Variants in GALNT17 observed in about 807,000 individuals in gnomAD.
The protein encoded by GALNT17 is polypeptide N-acetylgalactosaminyltransferase 17, also known as UDP-GalNAc:polypeptide N-acetylgalactosaminyltransferase-like 3.
Under a neutral mutation model 63.7 loss-of-function variants are expected in GALNT17, and 29 were observed. That is an observed-to-expected ratio of 0.46 (90% CI 0.34 to 0.62). The LOEUF is 0.62. GALNT17 is among the 20% of genes least tolerant of loss of function. The probability of loss-of-function intolerance (pLI) is 0.01; values close to 1 mark genes in which losing one functional copy is unlikely to be tolerated. For synonymous variants in GALNT17, 305 were observed against 318.3 expected (o/e 0.96, Z 0.45); for missense variants, 603 against 799.6 (o/e 0.75, Z 2.97).
intron 1 of GALNT17, among the ~76,000 whole-genome samples, chr7:71,225,374 A>T (rs1389364083): frequency 6.6e-6 from 1 of 152,236 alleles, no homozygotes; most frequent in Non-Finnish European, 1.5e-5. Context: ...ATTTTGAAGC[A>T]AACACATCTT....
In GALNT17 at chr7:71,595,076, C is replaced by T. The variant is rs144247682; in HGVS notation, c.1080+23674C>T. Reference sequence around the variant, plus strand: ...AGTCAGAAATTAGGATGATGTAGCTCCAAGCCAAGGAGCCCCAAAGACTGA... The same window carrying T: ...AGTCAGAAATTAGGATGATGTAGCTTCAAGCCAAGGAGCCCCAAAGACTGA... On this transcript the variant is annotated intron_variant, in intron 6 of 10. Transcript: ENST00000333538. Among the ~76,000 whole-genome samples the T allele has an allele frequency of 1.9e-3, 285 of 152,200 alleles. 3 individuals are homozygous for T. Among genetic ancestry groups the T allele is most frequent in the African/African-American group, 6.6e-3 (273 of 41,522 alleles).
intron 8 of GALNT17, among the ~76,000 whole-genome samples, chr7:71,673,768 T>A (rs1159432272): frequency 6.6e-6 from 1 of 152,108 alleles, no homozygotes; most frequent in African/African-American, 2.4e-5. Flanking sequence ...GTACATATCA[T>A]CACATCTGGC....
intron 1 of GALNT17, among the ~76,000 whole-genome samples, chr7:71,322,644 CA>C: frequency 6.6e-6 from 1 of 152,240 alleles, no homozygotes; most frequent in Middle Eastern, 3.4e-3. Context: ...TTTGAAGCCC[CA>C]AGCCTCATTG....
intron 5 of GALNT17, among the ~76,000 whole-genome samples, chr7:71,435,536 C>T (rs909239999): frequency 6.6e-6 from 1 of 152,152 alleles, no homozygotes; most frequent in Non-Finnish European, 1.5e-5. Flanking sequence ...AGATATTTTG[C>T]AGACCCTGCA....
In GALNT17 at chr7:71,712,155, A is replaced by G. The variant is rs1346687923; in HGVS notation, c.*9A>G. 3 of 1,609,868 alleles carry G rather than the reference A, an allele frequency of 1.9e-6. No homozygotes were observed. The highest frequency in any genetic ancestry group is 2.2e-5 in the East Asian group (1 of 44,664). On this transcript the variant is annotated 3_prime_UTR_variant, in exon 11 of 11. Coordinates refer to ENST00000333538, the MANE Select transcript of GALNT17 (RefSeq NM_022479.3). ...AGAACTCCATCAAGTAGAGGGAGGGAGCTGGGGCACTGGAGCCTGGCCCCC... is the reference window on the plus strand; with the variant it reads ...AGAACTCCATCAAGTAGAGGGAGGGGGCTGGGGCACTGGAGCCTGGCCCCC...
At chr7:71,317,941 G>A (rs1225717075) in intron 1 of GALNT17, among the ~76,000 whole-genome samples, 1 of 151,916 alleles carries the variant, frequency 6.6e-6, no homozygotes, top group African/African-American at 2.4e-5. Context: ...TGGGAGAGGG[G>A]GACAGGTTCT....
At position 71,656,922 on chromosome 7, in the gene GALNT17, G is replaced by C. The variant is rs151095099; in HGVS notation, c.1081-8489G>C. 7.2e-3 allele frequency among the ~76,000 whole-genome samples: 1,099 copies of C among 152,324 alleles called. 11 individuals are homozygous for C. Among genetic ancestry groups the C allele is most frequent in the African/African-American group, 0.023 (977 of 41,576 alleles). On this transcript the variant is annotated intron_variant, in intron 6 of 10. Coordinates refer to ENST00000333538, the MANE Select transcript of GALNT17 (RefSeq NM_022479.3). ...ATAGCATGCAAGCTCTTTCAAGAGA[G>C]AGCTGCCCCCTGTTAGTGCCTTGAA...
chr7:71,298,573 C>G (rs978168610), intron 1 of GALNT17, among the ~76,000 whole-genome samples: 5 of 152,102 alleles, frequency 3.3e-5, no homozygotes, highest in Non-Finnish European at 7.3e-5. Context: ...CTGACACTTG[C>G]GGGCAGCTGG....
chr7:71,628,281 C>T (rs536467456), intron 6 of GALNT17, among the ~76,000 whole-genome samples: 4 of 152,002 alleles, frequency 2.6e-5, no homozygotes, highest in African/African-American at 4.8e-5. Flanking sequence ...TAGATTCAAC[C>T]GACATAAATT....
chr7:71,540,801 AT>A (rs1271098794), intron 5 of GALNT17, among the ~76,000 whole-genome samples: 1 of 152,162 alleles, frequency 6.6e-6, no homozygotes, highest in Non-Finnish European at 1.5e-5. Context: ...TGATGACAGC[AT>A]TCACCAGTGG....
chr7:71,362,414 G>C (rs542210824), intron 2 of GALNT17, among the ~76,000 whole-genome samples: 42 of 152,202 alleles, frequency 2.8e-4, no homozygotes, highest in Admixed American at 5.2e-4. Context: ...AATGTTTGCC[G>C]CCTGCTGTGT....
intron 5 of GALNT17, among the ~76,000 whole-genome samples, chr7:71,534,807 CA>C (rs1395732153): frequency 6.6e-6 from 1 of 152,064 alleles, no homozygotes; most frequent in Non-Finnish European, 1.5e-5. Context: ...CAGTTCTATG[CA>C]AAAATCGGGC....
At chr7:71,453,826 A>C (rs904828541) in intron 5 of GALNT17, among the ~76,000 whole-genome samples, 1 of 152,166 alleles carries the variant, frequency 6.6e-6, no homozygotes, top group African/African-American at 2.4e-5. Context: ...TTCTCTGCAC[A>C]AATCCTCAGT....
At chr7:71,179,056 A>G (rs1451286032) in intron 1 of GALNT17, among the ~76,000 whole-genome samples, 1 of 152,064 alleles carries the variant, frequency 6.6e-6, no homozygotes, top group Non-Finnish European at 1.5e-5. Flanking sequence ...TTCAAACTTG[A>G]TCCTTTGGGC....
chr7:71,568,773 A>G lies in GALNT17; in HGVS notation c.963-2512A>G, dbSNP rs142775175. On this transcript the variant is annotated intron_variant, in intron 5 of 10. Coordinates refer to ENST00000333538, the MANE Select transcript of GALNT17 (RefSeq NM_022479.3). The stretch of plus-strand genomic sequence containing the variant: ...GGCAAAAAGATATAATAAATTATCT[A>G]TTGATACTATACTACAATGCACAAT... Among the ~76,000 whole-genome samples the G allele has an allele frequency of 3.2e-4, 49 of 152,316 alleles. No individual in the cohort carries two copies. In the East Asian group the frequency reaches 8.1e-3, roughly 25 times the overall value.
At chr7:71,229,051 G>A (rs544045801) in intron 1 of GALNT17, among the ~76,000 whole-genome samples, 112 of 152,308 alleles carry the variant, frequency 7.4e-4, no homozygotes, top group African/African-American at 1.3e-3. Context: ...AACAGTGGCC[G>A]CCTGGGATAT....
At chr7:71,163,895 A>G (rs1360573857) in intron 1 of GALNT17, among the ~76,000 whole-genome samples, 2 of 152,222 alleles carry the variant, frequency 1.3e-5, no homozygotes, top group South Asian at 2.1e-4. Context: ...ATCTTTGCTC[A>G]TAGTATCCAT....
intron 1 of GALNT17, among the ~76,000 whole-genome samples, chr7:71,178,303 G>T (rs917446630): frequency 4.6e-5 from 7 of 152,064 alleles, no homozygotes; most frequent in African/African-American, 1.7e-4. Context: ...CCCTGCATGT[G>T]ATTTGTCATT....
intron 8 of GALNT17, among the ~76,000 whole-genome samples, chr7:71,674,108 T>C (rs945735548): frequency 3.3e-5 from 5 of 152,188 alleles, no homozygotes; most frequent in African/African-American, 1.2e-4. Context: ...AACTTTCTTT[T>C]TAAAATAATA....
Sources: allele counts gnomAD v4.1 joint callset (sites outside exome capture counted in the v4.1 genomes callset), GRCh38; gene constraint gnomAD v4.1.1; transcripts MANE v1.5; gene names NCBI Gene and HGNC (gene_info 2026-07-23, HGNC 2026-07-21).